Variants in CSMD1 observed in about 807,000 individuals in gnomAD.
The protein encoded by CSMD1 is CUB and Sushi multiple domains 1.
Under a neutral mutation model 417.5 loss-of-function variants are expected in CSMD1, and 213 were observed. That is an observed-to-expected ratio of 0.51 (90% confidence interval 0.46 to 0.57). CSMD1 has a LOEUF of 0.57. Ranked by LOEUF, CSMD1 falls within the 20% of genes least tolerant of loss-of-function variation. The pLI, the probability that CSMD1 is intolerant of heterozygous loss-of-function variation, is 0.00. For missense variants in CSMD1, 6,923 were observed against 4,529.7 expected (o/e 1.53, Z -15.17); for synonymous variants, 2,862 against 1,736.8 (o/e 1.65, Z -16.11).
intron 3 of CSMD1, among the ~76,000 whole-genome samples, chr8:4,302,220 A>C (rs1322876954): frequency 2.0e-5 from 3 of 152,232 alleles, no homozygotes; most frequent in Non-Finnish European, 2.9e-5. Flanking sequence ...AATAGATGCA[A>C]TGAAGGCCCA....
At chr8:3,733,948 G>A (rs1454857623) in intron 6 of CSMD1, among the ~76,000 whole-genome samples, 4 of 152,066 alleles carry the variant, frequency 2.6e-5, no homozygotes, top group Non-Finnish European at 4.4e-5. Flanking sequence ...CCATCCACTG[G>A]GGTCCTGAAA....
intron 25 of CSMD1, among the ~76,000 whole-genome samples, chr8:3,306,964 G>A (rs1008284625): frequency 1.3e-5 from 2 of 152,122 alleles, no homozygotes; most frequent in East Asian, 3.9e-4. Context: ...TCTGAAATTT[G>A]CAATGATTTT....
intron 1 of CSMD1, among the ~76,000 whole-genome samples, chr8:4,957,414 C>T (rs952594979): frequency 2.6e-5 from 4 of 152,156 alleles, no homozygotes; most frequent in African/African-American, 4.8e-5. Context: ...GCACTATGGT[C>T]GGAAACCCTA....
At chr8:3,144,812 G>A (rs1818740360) in intron 40 of CSMD1, among the ~76,000 whole-genome samples, 1 of 133,540 alleles carries the variant, frequency 7.5e-6, no homozygotes, top group South Asian at 2.8e-4. Flanking sequence ...GGGGAGGGAG[G>A]GAGGGAGAAG....
chr8:3,158,921 G>A (rs1819708905), intron 38 of CSMD1, among the ~76,000 whole-genome samples: 1 of 152,158 alleles, frequency 6.6e-6, no homozygotes, highest in South Asian at 2.1e-4. Context: ...CACTAATGCA[G>A]TTATCAATGG....
At chr8:3,963,055 G>A (rs757279933) in intron 5 of CSMD1, among the ~76,000 whole-genome samples, 3 of 152,150 alleles carry the variant, frequency 2.0e-5, no homozygotes, top group Non-Finnish European at 4.4e-5. Flanking sequence ...TCCTGCCTCA[G>A]GAGTAGCTGA....
intron 5 of CSMD1, among the ~76,000 whole-genome samples, chr8:3,853,838 G>C (rs1263489584): frequency 6.8e-6 from 1 of 147,420 alleles, no homozygotes; most frequent in African/African-American, 2.5e-5. Flanking sequence ...CCTGCACATT[G>C]TGCACATGTA....
intron 26 of CSMD1, among the ~76,000 whole-genome samples, chr8:3,277,824 G>T (rs1258292017): frequency 6.6e-6 from 1 of 152,058 alleles, no homozygotes; most frequent in Non-Finnish European, 1.5e-5. Context: ...GGGATTGGGG[G>T]GATGAATTAT....
chr8:3,670,323 A>G (rs73181198), intron 7 of CSMD1, among the ~76,000 whole-genome samples: 25,337 of 151,784 alleles, frequency 0.17, 2,237 homozygotes, highest in South Asian at 0.22. Flanking sequence ...CTCCAGCATC[A>G]GACTCCAAGT....
chr8:4,499,762 G>A (rs928515864), intron 2 of CSMD1, among the ~76,000 whole-genome samples: 1 of 152,164 alleles, frequency 6.6e-6, no homozygotes, highest in African/African-American at 2.4e-5. Flanking sequence ...AAGAAAGTTA[G>A]TAAAGGTGAA....
At chr8:3,856,365 G>A (rs115909729) in intron 5 of CSMD1, among the ~76,000 whole-genome samples, 122 of 152,238 alleles carry the variant, frequency 8.0e-4, no homozygotes, top group African/African-American at 2.6e-3. Flanking sequence ...CCGCAGAACC[G>A]TGAGCCAATT....
At chr8:3,396,170 C>T in intron 17 of CSMD1, 24 bp downstream of exon 17, 1 of 1,548,268 alleles carries the variant, frequency 6.5e-7, no homozygotes, top group Non-Finnish European at 8.7e-7. Flanking sequence ...CCCTGCCGGG[C>T]TGTCAAGGGA....
At chr8:3,788,137 C>G (rs1398442568) in intron 5 of CSMD1, among the ~76,000 whole-genome samples, 1 of 152,156 alleles carries the variant, frequency 6.6e-6, no homozygotes, top group Non-Finnish European at 1.5e-5. Flanking sequence ...ATTCTCAGGA[C>G]TTGGAGATGA....
At chr8:3,667,763 C>T (rs17397845) in intron 7 of CSMD1, among the ~76,000 whole-genome samples, 24,223 of 152,162 alleles carry the variant, frequency 0.16, 2,125 homozygotes, top group South Asian at 0.22. Flanking sequence ...AAGCAACCTT[C>T]AGGGAGCAAG....
chr8:3,573,034 CTT>C (rs796815195), intron 10 of CSMD1, among the ~76,000 whole-genome samples: 35,751 of 151,746 alleles, frequency 0.24, 4,334 homozygotes, highest in Admixed American at 0.27. Context: ...AAATAAAACT[CTT>C]TTTTGTTAGA....
chr8:3,214,093 C>T (rs1971856), intron 30 of CSMD1, among the ~76,000 whole-genome samples: 45,422 of 151,724 alleles, frequency 0.3, 7,083 homozygotes, highest in African/African-American at 0.4. Context: ...ATCCACTCGC[C>T]TCAGCCTCTT....
chr8:4,748,615 A>T (rs753266147), intron 1 of CSMD1, among the ~76,000 whole-genome samples: 22 of 152,204 alleles, frequency 1.4e-4, no homozygotes, highest in South Asian at 2.1e-4. Flanking sequence ...TAGTGTTTTC[A>T]TTCTAAATTA....
chr8:3,750,139 G>A (rs1369459174), intron 6 of CSMD1, among the ~76,000 whole-genome samples: 3 of 152,072 alleles, frequency 2.0e-5, no homozygotes, highest in Admixed American at 1.3e-4. Context: ...ACCACAAAGG[G>A]TTTCTTAGGA....
In CSMD1 at chr8:3,348,128, C is replaced by T. The variant is rs369837551; in HGVS notation, c.3338G>A (p.Gly1113Glu). Residue 1113 changes from glycine to glutamate, a missense_variant, in exon 22 of 70, where the codon GGA (glycine) becomes GAA (glutamate). Gly to Glu is a moderately conservative substitution (Grantham distance 98, BLOSUM62 -2). Transcript: ENST00000635120. Reference sequence around the variant, plus strand: ...TGGAAAATTTGGAGACAGTAATGTTCCTTCATTTCCTTTGACACTTGCTCC... The same window carrying T: ...TGGAAAATTTGGAGACAGTAATGTTTCTTCATTTCCTTTGACACTTGCTCC... ...ECGASVKGNE[G>E]TLLSPNFPSN... is the part of the protein sequence containing the mutation. 3 of 1,611,938 alleles carry T rather than the reference C, an allele frequency of 1.9e-6. No individual in the cohort carries two copies. Among genetic ancestry groups the T allele is most frequent in the Admixed American group, 3.3e-5 (2 of 59,760 alleles).
Sources: gnomAD v4.1 joint callset for allele counts (sites outside exome capture counted in the v4.1 genomes callset) on GRCh38, gnomAD v4.1.1 for gene constraint, MANE v1.5 for transcripts, NCBI Gene and HGNC (gene_info 2026-07-23, HGNC 2026-07-21) for gene names.